The following GALNT1 variants were observed in gnomAD, a reference collection of about 807,000 sequenced individuals.
GALNT1 encodes polypeptide N-acetylgalactosaminyltransferase 1.
In GALNT1, 17 loss-of-function variants were observed where a neutral mutation model predicts 65.7. That is an observed-to-expected ratio of 0.26 (90% CI 0.18 to 0.39). The LOEUF (loss-of-function observed/expected upper bound fraction) is 0.39, where lower values mean the gene tolerates loss of function less well. Ranked by LOEUF, GALNT1 falls within the 10% of genes least tolerant of loss-of-function variation. The probability of loss-of-function intolerance (pLI) is 1.00; values close to 1 mark genes in which losing one functional copy is unlikely to be tolerated. For missense variants in GALNT1, 460 were observed against 672.8 expected (o/e 0.68, Z 3.50); for synonymous variants, 210 against 219.7 (o/e 0.96, Z 0.39).
At chr18:35,702,845 G>A in intron 9 of GALNT1, 52 bp from the exon 10 acceptor site, 2 of 1,244,786 alleles carry the variant, frequency 1.6e-6, no homozygotes, top group Non-Finnish European at 1.2e-6. Flanking sequence ...GTATCTGTCT[G>A]TCTAATTAAC....
intron 9 of GALNT1, among the ~76,000 whole-genome samples, chr18:35,695,603 A>G (rs1451346634): frequency 6.6e-6 from 1 of 152,214 alleles, no homozygotes; most frequent in East Asian, 1.9e-4. Flanking sequence ...GTGCCAGGGC[A>G]GGCACAGACT....
At chr18:35,614,176 C>T (rs191779544) in intron 1 of GALNT1, among the ~76,000 whole-genome samples, 13 of 152,086 alleles carry the variant, frequency 8.5e-5, no homozygotes, top group East Asian at 3.9e-4. Context: ...GTATAAAATA[C>T]GGCTAAAGAG....
chr18:35,650,977 A>T (rs1271524138), intron 1 of GALNT1, among the ~76,000 whole-genome samples: 1 of 152,236 alleles, frequency 6.6e-6, no homozygotes, highest in Non-Finnish European at 1.5e-5. Flanking sequence ...AAATCTTCAC[A>T]ATTTGTTCAG....
chr18:35,585,382 A>C (rs1355231605), intron 1 of GALNT1, among the ~76,000 whole-genome samples: 1 of 152,142 alleles, frequency 6.6e-6, no homozygotes, highest in African/African-American at 2.4e-5. Context: ...TTTCTCCTTG[A>C]TGAAGTTATT....
chr18:35,628,845 G>C (rs1024753374), intron 1 of GALNT1, among the ~76,000 whole-genome samples: 7 of 152,296 alleles, frequency 4.6e-5, no homozygotes, highest in African/African-American at 1.7e-4. Flanking sequence ...TGGCTAACTA[G>C]AATAACCAAT....
At chr18:35,694,706 G>A (rs1470784131) in intron 9 of GALNT1, among the ~76,000 whole-genome samples, 3 of 152,182 alleles carry the variant, frequency 2.0e-5, no homozygotes, top group Non-Finnish European at 2.9e-5. Flanking sequence ...GGCCCAGCTA[G>A]CAATGCTTAG....
intron 1 of GALNT1, 24 bp from the exon 2 acceptor site, chr18:35,654,536 C>A (rs908486628): frequency 2.7e-6 from 1 of 364,220 alleles, no homozygotes; most frequent in African/African-American, 2.1e-5. Context: ...TTAAGTTAAT[C>A]TTTTTTCCTT....
At chr18:35,685,671 G>T in intron 5 of GALNT1, among the ~76,000 whole-genome samples, 1 of 152,300 alleles carries the variant, frequency 6.6e-6, no homozygotes, top group East Asian at 1.9e-4. Flanking sequence ...AAAAGGAAAA[G>T]CATTGTTGTC....
chr18:35,650,068 T>G (rs919502184), intron 1 of GALNT1, among the ~76,000 whole-genome samples: 4 of 152,212 alleles, frequency 2.6e-5, no homozygotes, highest in Non-Finnish European at 5.9e-5. Context: ...GTGGGATGTT[T>G]GTTCTTTAAA....
chr18:35,677,939 TTTAA>T (rs2047733741), intron 4 of GALNT1, among the ~76,000 whole-genome samples, 182 bp downstream of exon 4: 1 of 152,244 alleles, frequency 6.6e-6, no homozygotes, highest in Admixed American at 6.5e-5. Flanking sequence ...AAAATATTAC[TTTAA>T]TTAGTAATTA....
At chr18:35,677,885 T>G (rs2047732926) in intron 4 of GALNT1, 128 bp downstream of exon 4, 1 of 664,284 alleles carries the variant, frequency 1.5e-6, no homozygotes, top group African/African-American at 1.8e-5. Flanking sequence ...ATATGGCATT[T>G]GGATTCATTC....
intron 3 of GALNT1, among the ~76,000 whole-genome samples, chr18:35,674,157 GGTGA>G (rs1381395933): frequency 6.6e-6 from 1 of 152,140 alleles, no homozygotes; most frequent in Non-Finnish European, 1.5e-5. Flanking sequence ...ACTTGCTCTG[GGTGA>G]GTAAGTGAGT....
intron 5 of GALNT1, among the ~76,000 whole-genome samples, chr18:35,685,029 G>A (rs2047845784): frequency 6.6e-6 from 1 of 152,144 alleles, no homozygotes; most frequent in Non-Finnish European, 1.5e-5. Flanking sequence ...TGGCAGAGGG[G>A]AAACAAATCT....
At chr18:35,662,559 G>A (rs1469594477) in intron 2 of GALNT1, among the ~76,000 whole-genome samples, 1 of 152,072 alleles carries the variant, frequency 6.6e-6, no homozygotes, top group African/African-American at 2.4e-5. Context: ...TTCTTGTACA[G>A]ATGAAGCCTG....
chr18:35,691,746 A>G (rs138984612), intron 8 of GALNT1, among the ~76,000 whole-genome samples: 13 of 152,316 alleles, frequency 8.5e-5, no homozygotes, highest in African/African-American at 1.7e-4. Context: ...TCCATCAGCT[A>G]TAAGTCGGCC....
At chr18:35,665,256 C>A (rs892093448) in intron 3 of GALNT1, among the ~76,000 whole-genome samples, 1 of 151,906 alleles carries the variant, frequency 6.6e-6, no homozygotes, top group Non-Finnish European at 1.5e-5. Context: ...TATATTACAA[C>A]CATAAAATGA....
At chr18:35,655,410 G>A (rs906888701) in intron 2 of GALNT1, among the ~76,000 whole-genome samples, 1 of 150,900 alleles carries the variant, frequency 6.6e-6, no homozygotes, top group Non-Finnish European at 1.5e-5. Context: ...GTAATAGGTA[G>A]TACTGATATT....
chr18:35,680,631 G>T (rs974680081), intron 4 of GALNT1, among the ~76,000 whole-genome samples: 4 of 152,192 alleles, frequency 2.6e-5, no homozygotes, highest in Non-Finnish European at 4.4e-5. Context: ...TAGATAGTGT[G>T]CCCATGGCCT....
At chr18:35,641,947 G>A (rs926014079) in intron 1 of GALNT1, among the ~76,000 whole-genome samples, 1 of 152,144 alleles carries the variant, frequency 6.6e-6, no homozygotes, top group Non-Finnish European at 1.5e-5. Context: ...AAAATTATAT[G>A]AAATTCAAAT....
Sources: gnomAD v4.1 joint callset for allele counts (sites outside exome capture counted in the v4.1 genomes callset) on GRCh38, gnomAD v4.1.1 for gene constraint, MANE v1.5 for transcripts, NCBI Gene and HGNC (gene_info 2026-07-23, HGNC 2026-07-21) for gene names.